The following RSF1 variants were observed in gnomAD, a reference collection of about 807,000 sequenced individuals.
RSF1 encodes remodeling and spacing factor 1, also known as HBV pX-associated protein 8.
Under a neutral mutation model 145.2 loss-of-function variants are expected in RSF1, and 13 were observed. That is an observed-to-expected ratio of 0.09 (90% CI 0.06 to 0.14). RSF1 has a LOEUF of 0.14. Among genes scored for constraint, RSF1 ranks in the 10% least tolerant of loss-of-function variants. The probability of loss-of-function intolerance (pLI) is 1.00; values close to 1 mark genes in which losing one functional copy is unlikely to be tolerated. For missense variants in RSF1, 1,517 were observed against 1,718.2 expected, an observed-to-expected ratio of 0.88 and a Z score of 2.07; for synonymous variants, 577 against 592.6, an observed-to-expected ratio of 0.97 and a Z score of 0.38.
At chr11:77,754,691 C>T (rs1948098474) in intron 2 of RSF1, among the ~76,000 whole-genome samples, 1 of 151,966 alleles carries the variant, frequency 6.6e-6, no homozygotes. Flanking sequence ...CTGCAGTGAG[C>T]TGAGGTCACA....
intron 5 of RSF1, among the ~76,000 whole-genome samples, chr11:77,722,908 TAGTC>T (rs1565160328): frequency 6.6e-6 from 1 of 152,232 alleles, no homozygotes; most frequent in Non-Finnish European, 1.5e-5. Flanking sequence ...ACTACACAAT[TAGTC>T]TCCCTTCAAG....
intron 3 of RSF1, among the ~76,000 whole-genome samples, chr11:77,745,284 A>C (rs905411810): frequency 2.0e-5 from 3 of 151,478 alleles, no homozygotes; most frequent in African/African-American, 7.3e-5. Flanking sequence ...AATTTTACTC[A>C]TATCTTGGTT....
chr11:77,679,820 A>T (rs1034199839), intron 11 of RSF1, among the ~76,000 whole-genome samples: 1 of 152,168 alleles, frequency 6.6e-6, no homozygotes, highest in Admixed American at 6.5e-5. Context: ...GTTTACCTTG[A>T]CTTAAAGAAA....
rs375250803 is a variant in RSF1, at chr11:77,701,076, G to A, written c.2153C>T (p.Ala718Val). Residue 718 changes from alanine to valine, a missense_variant, in exon 6 of 16, where the codon GCC (alanine) becomes GTC (valine). Physicochemically the swap from Ala to Val is moderately conservative, Grantham distance 64. This residue lies in a region of RSF1 where 579 missense variants were observed against 553.5 expected (regional missense o/e 1.05). Transcript: ENST00000308488. ...AGAGGTTATCTCTGTATTTTCTGAG[G>A]CAGTGGTTTCTTCTTCAGGAACCAA... ...YKLVPEEETT[A>V]SENTEITSER... 1.5e-5 allele frequency: 25 copies of A among 1,613,498 alleles called. No homozygotes were observed. Among genetic ancestry groups the A allele is most frequent in the Non-Finnish European group, 2.0e-5 (24 of 1,179,974 alleles).
chr11:77,666,852 A>G lies in RSF1; in HGVS notation c.*65T>C. 1 of 1,342,978 alleles carries G rather than the reference A, an allele frequency of 7.4e-7. No individual in the cohort carries two copies. Among genetic ancestry groups the G allele is most frequent in the Middle Eastern group, 2.3e-4 (1 of 4,410 alleles). The allele number at this position is 1,342,978 out of a possible 1,614,324, so 83.2% of individuals were successfully genotyped here. A position where few individuals can be genotyped will look rare whatever the true frequency, so the allele number is the denominator to read the frequency against. On this transcript the variant is annotated 3_prime_UTR_variant, in exon 16 of 16. Coordinates refer to ENST00000308488, the MANE Select transcript of RSF1 (RefSeq NM_016578.4). ...TTCTAGGAAAAATTAAACAGCTTTT[A>G]ATAACTGGCCCGCTGGTGTGAGAGC...
intron 9 of RSF1, among the ~76,000 whole-genome samples, chr11:77,686,407 T>TAAAAAAAAAAAA (rs1565148154): frequency 2.1e-4 from 2 of 9,594 alleles, no homozygotes; most frequent in South Asian, 1.3e-3. Flanking sequence ...AGACCCTGTC[T>TAAAAAAAAAAAA]CAAAAAAAAA....
intron 1 of RSF1, among the ~76,000 whole-genome samples, chr11:77,773,006 T>C (rs1429653213): frequency 2.6e-5 from 4 of 152,184 alleles, no homozygotes; most frequent in Admixed American, 2.6e-4. Context: ...CAGCTTTGTA[T>C]CTGGTTTTTG....
chr11:77,710,437 T>C (rs1345276728), intron 5 of RSF1, among the ~76,000 whole-genome samples: 2 of 152,178 alleles, frequency 1.3e-5, no homozygotes, highest in Admixed American at 1.3e-4. Flanking sequence ...TAAGGACACG[T>C]TAATGTTATC....
chr11:77,734,952 G>T (rs907487933), intron 4 of RSF1: 1 of 1,596,124 alleles, frequency 6.3e-7, no homozygotes, highest in Non-Finnish European at 8.5e-7. Flanking sequence ...GCTCTAGGTT[G>T]ATCTGGCGGT....
Position 77,798,581 on chromosome 11 carries a change from TAAAAAAAAAAAAAAAAAAAAAAA to T in RSF1, c.187+21924_187+21946del, listed in dbSNP as rs543236647. On this transcript the variant is annotated intron_variant, in intron 1 of 15. Transcript: ENST00000308488. ...GCATGACAGGAACGAGACTCCATCT[TAAAAAAAAAAAAAAAAAAAAAAA>T]AAAAAAAAAAAAAAAAAAGGCACAT... Among the ~76,000 whole-genome samples the T allele has an allele frequency of 2.3e-3, 57 of 24,494 alleles. 1 individual carries two copies. In the Middle Eastern group the frequency reaches 0.13, roughly 57 times the overall value. The allele number at this position is 24,494 out of a possible 152,430, so 16.1% of individuals were successfully genotyped here.
chr11:77,676,383 C>T (rs1234516577), intron 13 of RSF1, among the ~76,000 whole-genome samples: 1 of 151,550 alleles, frequency 6.6e-6, no homozygotes, highest in Non-Finnish European at 1.5e-5. Context: ...AGAAGCCTTT[C>T]TTGATCTTCT....
At chr11:77,838,230 G>C in the RSF1 span, among the ~76,000 whole-genome samples, 2 of 122,964 alleles carry the variant, frequency 1.6e-5, no homozygotes, top group Non-Finnish European at 4.0e-5. Context: ...GTGACTGTTA[G>C]TTTTATGTGT....
rs1279475312 is a variant in RSF1 at position 77,664,369 on chromosome 11, A to G, written c.*2548T>C. 6.6e-6 allele frequency: 1 copy of G among 152,220 alleles called. No homozygotes were observed. Among genetic ancestry groups the G allele is most frequent in the Non-Finnish European group, 1.5e-5 (1 of 68,040 alleles). 9.4% of individuals were successfully genotyped at this position (152,220 alleles called of 1,614,324 possible). ...ACGAACACTTATTCAAGTTTGGTAAATATCAGGCAGCACAGCACAAGTGGT... is the reference window on the plus strand; with the variant it reads ...ACGAACACTTATTCAAGTTTGGTAAGTATCAGGCAGCACAGCACAAGTGGT... On this transcript the variant is annotated 3_prime_UTR_variant, in exon 16 of 16. Coordinates refer to ENST00000308488, the MANE Select transcript of RSF1 (RefSeq NM_016578.4).
intron 2 of RSF1, among the ~76,000 whole-genome samples, chr11:77,757,529 T>C (rs980791427): frequency 2.0e-5 from 3 of 151,644 alleles, no homozygotes; most frequent in Non-Finnish European, 2.9e-5. Flanking sequence ...AATACAAAAA[T>C]TGGTTGGGCG....
At chr11:77,793,884 T>C (rs1256206363) in intron 1 of RSF1, among the ~76,000 whole-genome samples, 5 of 151,362 alleles carry the variant, frequency 3.3e-5, no homozygotes, top group Admixed American at 3.3e-4. Context: ...CTCTCAGGGG[T>C]AGCTATACAT....
the RSF1 span, among the ~76,000 whole-genome samples, chr11:77,868,229 G>C: frequency 6.8e-6 from 1 of 148,068 alleles, no homozygotes; most frequent in Non-Finnish European, 1.5e-5. Flanking sequence ...CTAATTTTTT[G>C]TATGTTTAGT....
Position 77,701,171 on chromosome 11 carries a change from G to A in RSF1, c.2058C>T (p.Ala686=), listed in dbSNP as rs1960412374. The change falls in exon 6 of 16, where the codon GCC becomes GCT. Residue 686 remains alanine, a synonymous_variant. Coordinates refer to ENST00000308488, the MANE Select transcript of RSF1 (RefSeq NM_016578.4). ...AAGGCTCCTCTATGCCAGAGGTCTGGGCATTGTCCAGATTATCCATTTCTA... is the reference window on the plus strand; with the variant it reads ...AAGGCTCCTCTATGCCAGAGGTCTGAGCATTGTCCAGATTATCCATTTCTA... ...TKVEMDNLDN[A]QTSGIEEPSE... is the part of the protein sequence containing the mutation. 5 of 1,613,908 alleles carry A rather than the reference G, an allele frequency of 3.1e-6. No homozygotes were observed. The highest frequency in any genetic ancestry group is 4.5e-5 in the East Asian group (2 of 44,888).
At chr11:77,854,225 C>G in the RSF1 span, among the ~76,000 whole-genome samples, 6 of 152,176 alleles carry the variant, frequency 3.9e-5, no homozygotes, top group African/African-American at 1.4e-4. Flanking sequence ...ATCTCCTGAC[C>G]TCATGATCCA....
chr11:77,685,498 G>A (rs1484794933), intron 9 of RSF1, among the ~76,000 whole-genome samples: 4 of 152,174 alleles, frequency 2.6e-5, no homozygotes, highest in Non-Finnish European at 5.9e-5. Context: ...GTTTTGCCAT[G>A]TTGGCCAGGC....
Sources: allele counts gnomAD v4.1 joint callset (sites outside exome capture counted in the v4.1 genomes callset), GRCh38; gene constraint gnomAD v4.1.1; regional missense constraint gnomAD v4.1.1; transcripts MANE v1.5; gene names NCBI Gene and HGNC (gene_info 2026-07-23, HGNC 2026-07-21).